TMPRSS9: variants seen among roughly 807,000 people sequenced by gnomAD.
TMPRSS9 encodes the protein transmembrane serine protease 9, also known as transmembrane protease serine 9.
A neutral mutation model predicts 111.4 loss-of-function variants in TMPRSS9; 113 were observed. That is an observed-to-expected ratio of 1.01 (90% CI 0.87 to 1.19). The LOEUF (loss-of-function observed/expected upper bound fraction) is 1.19. Ranked by LOEUF, TMPRSS9 falls within the 50% of genes most tolerant of loss-of-function variation. The pLI, the probability that TMPRSS9 is intolerant of heterozygous loss-of-function variation, is 0.00. For synonymous variants in TMPRSS9, 805 were observed against 659.1 expected, an observed-to-expected ratio of 1.22 and a Z score of -3.39; for missense variants, 1,803 against 1,513.1, an observed-to-expected ratio of 1.19 and a Z score of -3.18.
At chr19:2,361,511 G>A (rs1427336985) in intron 1 of TMPRSS9, among the ~76,000 whole-genome samples, 1 of 152,076 alleles carries the variant, frequency 6.6e-6, no homozygotes, top group Non-Finnish European at 1.5e-5. Flanking sequence ...GTGGGTGAAG[G>A]GCCTGAGATG....
exon 8 of TMPRSS9, chr19:2,408,565 C>A: frequency 1.7e-5 from 27 of 1,613,624 alleles, no homozygotes; most frequent in Non-Finnish European, 2.2e-5. Flanking sequence ...CCGGCTGCCA[C>A]ACACATCTTC....
intron 2 of TMPRSS9, among the ~76,000 whole-genome samples, chr19:2,396,913 GT>G (rs772988224): frequency 0.024 from 3,541 of 146,352 alleles, 64 homozygotes; most frequent in African/African-American, 0.044. Context: ...ACATTTAGAG[GT>G]TTTTTTTTTT....
At chr19:2,419,182 TTC>T (rs543519174) in intron 13 of TMPRSS9, among the ~76,000 whole-genome samples, 42 of 122,980 alleles carry the variant, frequency 3.4e-4, no homozygotes, top group Middle Eastern at 3.7e-3. Flanking sequence ...TTTCCTTTCC[TTC>T]TCTCTCTCTC....
upstream of TMPRSS9, chr19:2,389,729 C>T: frequency 6.4e-7 from 1 of 1,562,784 alleles, no homozygotes; most frequent in Non-Finnish European, 8.7e-7. Context: ...AGCCTCTGAC[C>T]CCGTGTTTCT....
chr19:2,378,978 A>T (rs1220744287), intron 1 of TMPRSS9, among the ~76,000 whole-genome samples: 1 of 152,030 alleles, frequency 6.6e-6, no homozygotes, highest in Non-Finnish European at 1.5e-5. Context: ...TGATTTAATG[A>T]TCTCCACCTA....
At chr19:2,379,637 C>CTTTCTTTT (rs1555676554) in intron 1 of TMPRSS9, among the ~76,000 whole-genome samples, 1 of 147,298 alleles carries the variant, frequency 6.8e-6, no homozygotes, top group Non-Finnish European at 1.5e-5. Flanking sequence ...TTCTTTCTTT[C>CTTTCTTTT]TTTCTTTCTT....
rs1568192800 is a variant in TMPRSS9 at position 2,422,100 on chromosome 19, GC to G, written c.2403del (p.Thr802HisfsTer13). ...GACAGCTGGCCTCACAGTCCCGGGG[GC>G]CACACCCAGCAGACCCACCCCTGGG... On this transcript the variant is annotated frameshift_variant, in exon 14 of 18. Transcript: ENST00000648592. LOFTEE classifies it high-confidence loss of function. 1.9e-6 allele frequency: 3 copies of G among 1,605,056 alleles called. No individual in the cohort carries two copies. The highest frequency in any genetic ancestry group is 2.6e-6 in the Non-Finnish European group (3 of 1,175,158).
At chr19:2,392,138 CAG>C (rs1481906591) in intron 1 of TMPRSS9, among the ~76,000 whole-genome samples, 2 of 152,042 alleles carry the variant, frequency 1.3e-5, no homozygotes, top group African/African-American at 4.8e-5. Flanking sequence ...TGCTTGAGCT[CAG>C]GAGTTCGAGA....
rs1232005823 is a variant in TMPRSS9, at chr19:2,371,675, G to A, written c.-26+11315G>A. On this transcript the variant is annotated intron_variant, in intron 1 of 17. Coordinates refer to the TMPRSS9 transcript ENST00000649857. ...TCGTGCCACTGCACTCCAGCCTGGC[G>A]ACAGAGCAAGACTCCGTCTCAAAAA... Among the ~76,000 whole-genome samples the A allele has an allele frequency of 2.6e-5, 4 of 151,040 alleles. No individual in the cohort carries two copies. The East Asian group carries it at 5.8e-4, about 22-fold the overall frequency.
intron 1 of TMPRSS9, among the ~76,000 whole-genome samples, chr19:2,379,615 C>CCCTT (rs1555676514): frequency 5.6e-4 from 66 of 118,510 alleles, no homozygotes; most frequent in Admixed American, 9.8e-4. Flanking sequence ...AACTTTCTTT[C>CCCTT]TCTTTCTTTC....
chr19:2,413,946 A>G (rs1232553651), exon 10 of TMPRSS9: 11 of 1,611,980 alleles, frequency 6.8e-6, no homozygotes, highest in Non-Finnish European at 5.9e-6. Context: ...CCCTGTGGTC[A>G]GCACCCCCAC....
upstream of TMPRSS9, among the ~76,000 whole-genome samples, chr19:2,384,869 C>T (rs533286101): frequency 5.8e-4 from 86 of 149,392 alleles, no homozygotes; most frequent in African/African-American, 1.8e-3. Context: ...GTAATCCCAG[C>T]TACTCGGGAA....
At chr19:2,393,503 G>A (rs1479946520) in intron 1 of TMPRSS9, among the ~76,000 whole-genome samples, 1 of 152,160 alleles carries the variant, frequency 6.6e-6, no homozygotes, top group Non-Finnish European at 1.5e-5. Context: ...GTAACACTCA[G>A]CGTGAGGATC....
chr19:2,400,431 G>A (rs1458885410), intron 4 of TMPRSS9, among the ~76,000 whole-genome samples: 1 of 151,746 alleles, frequency 6.6e-6, no homozygotes, highest in Non-Finnish European at 1.5e-5. Context: ...AATCCCAGCT[G>A]CTCAGGAGGC....
intron 3 of TMPRSS9, 29 bp downstream of exon 4, chr19:2,398,891 A>C: frequency 1.3e-6 from 2 of 1,530,588 alleles, no homozygotes; most frequent in African/African-American, 1.4e-5. Flanking sequence ...TGGGTGAAGG[A>C]AACTTGGTGG....
At chr19:2,424,875 C>T (rs1971569008) in intron 15 of TMPRSS9, 127 bp from the exon 17 acceptor site, 7 of 1,219,694 alleles carry the variant, frequency 5.7e-6, no homozygotes, top group East Asian at 3.3e-5. Flanking sequence ...ATTCCCAGAC[C>T]GACAGCCAGA....
chr19:2,404,773 G>C (rs62120710), intron 6 of TMPRSS9, among the ~76,000 whole-genome samples: 31,336 of 150,724 alleles, frequency 0.21, 3,549 homozygotes, highest in African/African-American at 0.3. Context: ...TCTACTAAAA[G>C]TACAAAAAAT....
intron 13 of TMPRSS9, among the ~76,000 whole-genome samples, chr19:2,421,567 G>A (rs1267882961): frequency 6.6e-6 from 1 of 152,038 alleles, no homozygotes; most frequent in Non-Finnish European, 1.5e-5. Context: ...GATTACAGGC[G>A]TGAGCCACCA....
intron 12 of TMPRSS9, 127 bp from the exon 14 acceptor site, chr19:2,417,875 C>A: frequency 7.6e-7 from 1 of 1,316,806 alleles, no homozygotes; most frequent in Non-Finnish European, 1.0e-6. Context: ...ATTCCTGCAA[C>A]TCTGTGAGCC....
Sources: gnomAD v4.1 joint callset for allele counts (sites outside exome capture counted in the v4.1 genomes callset) on GRCh38, gnomAD v4.1.1 for gene constraint, MANE v1.5 for transcripts, NCBI Gene and HGNC (gene_info 2026-07-23, HGNC 2026-07-21) for gene names.